PPP2R3A: variants seen among roughly 807,000 people sequenced by gnomAD.
The protein encoded by PPP2R3A is protein phosphatase 2 regulatory subunit B''alpha, also known as serine/threonine-protein phosphatase 2A regulatory subunit B'' subunit alpha.
In PPP2R3A, 80 loss-of-function variants were observed where a neutral mutation model predicts 106.9. The ratio of observed to expected loss-of-function variants is 0.75; its 90% CI spans 0.62 to 0.90. The LOEUF is 0.90. Ranked by LOEUF, PPP2R3A falls within the 40% of genes least tolerant of loss-of-function variation. The probability of loss-of-function intolerance (pLI) is 0.00; values close to 1 mark genes in which losing one functional copy is unlikely to be tolerated. For synonymous variants in PPP2R3A, 483 were observed against 468.3 expected (o/e 1.03, Z -0.41); for missense variants, 1,386 against 1,350.4 (o/e 1.03, Z -0.41).
intron 13 of PPP2R3A, among the ~76,000 whole-genome samples, chr3:136,144,438 A>G (rs1303816133): frequency 1.3e-5 from 2 of 152,120 alleles, no homozygotes; most frequent in African/African-American, 4.8e-5. Flanking sequence ...AAGTGGGCAG[A>G]TCACCTGAGG....
chr3:136,022,601 G>T, intron 2 of PPP2R3A: 1 of 206,260 alleles, frequency 4.8e-6, no homozygotes, highest in Non-Finnish European at 8.5e-6. Flanking sequence ...CTTCTAGTTT[G>T]AGAAGAAACT....
chr3:136,137,527 G>A (rs1304833637), intron 13 of PPP2R3A, among the ~76,000 whole-genome samples: 1 of 48,810 alleles, frequency 2.0e-5, no homozygotes, highest in African/African-American at 5.9e-5. Flanking sequence ...GAATTACTCT[G>A]TCAGAGATTT....
intron 2 of PPP2R3A, among the ~76,000 whole-genome samples, chr3:136,010,252 TTCTTTC>T (rs1934004203): frequency 6.8e-6 from 1 of 146,810 alleles, no homozygotes; most frequent in Admixed American, 6.8e-5. Context: ...TTTCTTTTCT[TTCTTTC>T]TTTTTTTTTT....
chr3:136,022,903 T>C (rs939510170), intron 2 of PPP2R3A: 25 of 1,423,948 alleles, frequency 1.8e-5, no homozygotes, highest in Non-Finnish European at 2.0e-5. Context: ...AGGACAAGCA[T>C]AGATTGTGGT....
At chr3:136,000,332 G>A (rs938139391) in intron 1 of PPP2R3A, among the ~76,000 whole-genome samples, 1 of 152,086 alleles carries the variant, frequency 6.6e-6, no homozygotes, top group South Asian at 2.1e-4. Context: ...ATTTGTTGAC[G>A]GAATAAATAC....
intron 2 of PPP2R3A, among the ~76,000 whole-genome samples, chr3:136,016,923 A>G (rs1213855072): frequency 6.6e-6 from 1 of 152,152 alleles, no homozygotes; most frequent in Non-Finnish European, 1.5e-5. Flanking sequence ...TGTGAAATGT[A>G]TGCTTTAAGG....
intron 5 of PPP2R3A, among the ~76,000 whole-genome samples, chr3:136,066,792 C>G (rs1277209518): frequency 6.6e-6 from 1 of 152,086 alleles, no homozygotes; most frequent in Non-Finnish European, 1.5e-5. Flanking sequence ...CCCTATGATC[C>G]AGTCACCTTC....
At chr3:135,986,502 G>A (rs1932921663) in intron 1 of PPP2R3A, among the ~76,000 whole-genome samples, 1 of 151,838 alleles carries the variant, frequency 6.6e-6, no homozygotes, top group South Asian at 2.1e-4. Context: ...AATGTTACCT[G>A]GCTATTATAC....
At chr3:135,972,124 C>T (rs546202571) in intron 1 of PPP2R3A, among the ~76,000 whole-genome samples, 101 of 152,266 alleles carry the variant, frequency 6.6e-4, no homozygotes, top group Non-Finnish European at 6.8e-4. Flanking sequence ...AGCAGTCACT[C>T]GCCATTCCCC....
intron 1 of PPP2R3A, among the ~76,000 whole-genome samples, chr3:135,966,581 G>A (rs1937093368): frequency 6.6e-6 from 1 of 152,156 alleles, no homozygotes; most frequent in South Asian, 2.1e-4. Flanking sequence ...AGTTGATGTT[G>A]CATCCGAACT....
chr3:136,015,916 T>G (rs1934251022), intron 2 of PPP2R3A, among the ~76,000 whole-genome samples: 2 of 152,100 alleles, frequency 1.3e-5, no homozygotes. Flanking sequence ...TTAGATTGTC[T>G]ATTTGTGGTC....
intron 13 of PPP2R3A, among the ~76,000 whole-genome samples, chr3:136,136,072 AATTAT>A (rs1559940285): frequency 1.1e-3 from 31 of 27,680 alleles, no homozygotes; most frequent in Non-Finnish European, 3.6e-3. Flanking sequence ...AAAAAAAAAA[AATTAT>A]ATATATATAT....
intron 10 of PPP2R3A, among the ~76,000 whole-genome samples, chr3:136,091,575 C>G (rs1424661262): frequency 1.3e-5 from 2 of 152,080 alleles, no homozygotes; most frequent in Non-Finnish European, 2.9e-5. Context: ...TAGGATCATG[C>G]CATTATACTC....
In PPP2R3A at chr3:136,002,169, C is replaced by A; in HGVS notation, c.671C>A (p.Ser224Tyr). 2 of 1,613,304 alleles carry A rather than the reference C, an allele frequency of 1.2e-6. No homozygotes were observed. Among genetic ancestry groups the A allele is most frequent in the Non-Finnish European group, 1.7e-6 (2 of 1,179,804 alleles). Residue 224 changes from serine (S) to tyrosine (Y), a missense_variant, in exon 2 of 14, where the codon TCT (serine) becomes TAT (tyrosine). Ser to Tyr is a moderately radical substitution (Grantham distance 144, BLOSUM62 -2). Transcript: ENST00000264977. ...ILEKHKIDNF[S>Y]SGTDIKMCLD... Reference sequence around the variant, plus strand: ...GAAAAACATAAAATAGATAATTTTTCTTCTGGGACAGACATAAAGATGTGC... The same window carrying A: ...GAAAAACATAAAATAGATAATTTTTATTCTGGGACAGACATAAAGATGTGC...
chr3:136,134,895 G>A (rs1355228545), intron 13 of PPP2R3A, among the ~76,000 whole-genome samples: 1 of 152,008 alleles, frequency 6.6e-6, no homozygotes, highest in Admixed American at 6.6e-5. Context: ...ATACATTTCT[G>A]TGCAACTAGA....
chr3:136,090,812 C>T (rs1010426834), intron 10 of PPP2R3A, 145 bp downstream of exon 10: 2 of 615,594 alleles, frequency 3.2e-6, no homozygotes, highest in African/African-American at 1.8e-5. Context: ...TCTCGGAGCT[C>T]TCCGTCTCAG....
intron 13 of PPP2R3A, among the ~76,000 whole-genome samples, chr3:136,141,328 A>G (rs1387869807): frequency 6.6e-6 from 1 of 152,222 alleles, no homozygotes; most frequent in Non-Finnish European, 1.5e-5. Flanking sequence ...GGCAGGAAAC[A>G]GCATGTTGGG....
At chr3:136,070,320 T>C (rs1379180943) in intron 5 of PPP2R3A, among the ~76,000 whole-genome samples, 158 bp from the exon 6 acceptor site, 2 of 152,254 alleles carry the variant, frequency 1.3e-5, no homozygotes, top group South Asian at 4.1e-4. Context: ...AGTATGCTTA[T>C]AATGAAACGA....
At chr3:136,078,973 C>A (rs1331121807) in intron 7 of PPP2R3A, among the ~76,000 whole-genome samples, 1 of 152,148 alleles carries the variant, frequency 6.6e-6, no homozygotes, top group East Asian at 1.9e-4. Context: ...TAGTGGGAGC[C>A]TTTTACCGAA....
Sources: allele counts gnomAD v4.1 joint callset (sites outside exome capture counted in the v4.1 genomes callset), GRCh38; gene constraint gnomAD v4.1.1; transcripts MANE v1.5; gene names NCBI Gene and HGNC (gene_info 2026-07-23, HGNC 2026-07-21).